The following ADAMTS9 variants were observed in gnomAD, a reference collection of about 807,000 sequenced individuals.
ADAMTS9 encodes A disintegrin and metalloproteinase with thrombospondin motifs 9.
A neutral mutation model predicts 257.1 loss-of-function variants in ADAMTS9; 107 were observed. That is an observed-to-expected ratio of 0.42 (90% CI 0.36 to 0.49). The LOEUF (loss-of-function observed/expected upper bound fraction) is 0.49, where lower values mean the gene tolerates loss of function less well. Among genes scored for constraint, ADAMTS9 ranks in the 20% least tolerant of loss-of-function variants. The pLI is 0.03. For synonymous variants in ADAMTS9, 982 were observed against 880.9 expected (o/e 1.11, Z -2.03); for missense variants, 2,353 against 2,469.1 (o/e 0.95, Z 1.00).
chr3:64,592,760 A>C (rs1264817625), intron 28 of ADAMTS9: 1 of 151,382 alleles, frequency 6.6e-6, no homozygotes, highest in Non-Finnish European at 1.5e-5. Flanking sequence ...GTTTCTTCCT[A>C]AGGGTTAAGA....
chr3:64,531,528 C>T (rs545138891), intron 38 of ADAMTS9, among the ~76,000 whole-genome samples: 29 of 151,822 alleles, frequency 1.9e-4, no homozygotes, highest in African/African-American at 6.5e-4. Flanking sequence ...AGTGCAGTCG[C>T]GCAATCATGG....
At chr3:64,559,267 C>A (rs889420720) in intron 30 of ADAMTS9, among the ~76,000 whole-genome samples, 2 of 152,126 alleles carry the variant, frequency 1.3e-5, no homozygotes, top group Non-Finnish European at 2.9e-5. Flanking sequence ...GCAGGCCTTG[C>A]ATGTATGGGA....
intron 28 of ADAMTS9, among the ~76,000 whole-genome samples, chr3:64,571,573 TTG>T (rs1415272015): frequency 1.3e-5 from 2 of 152,234 alleles, no homozygotes; most frequent in African/African-American, 4.8e-5. Flanking sequence ...TTCCAGGGTT[TTG>T]TTTTTGTTTT....
intron 37 of ADAMTS9, among the ~76,000 whole-genome samples, chr3:64,534,766 G>C (rs1313280620): frequency 4.4e-5 from 2 of 45,128 alleles, no homozygotes; most frequent in Non-Finnish European, 9.3e-5. Flanking sequence ...ATTTTTGTTT[G>C]TCACAACTGT....
At position 64,641,984 on chromosome 3, in the gene ADAMTS9, A is replaced by G. The variant is rs763657043; in HGVS notation, c.1720T>C (p.Tyr574His). ...TECEPGKHCK[Y>H]GFCVPKEMDV... Reference sequence around the variant, plus strand: ...ATTTCTTTGGGAACACAAAATCCATACTTGCAGTGCTGTATTTAATAAGGG... The same window carrying G: ...ATTTCTTTGGGAACACAAAATCCATGCTTGCAGTGCTGTATTTAATAAGGG... Residue 574 changes from tyrosine (Y) to histidine (H), a missense_variant, in exon 12 of 40, where the codon TAT becomes CAT. Physicochemically the swap from Tyr to His is moderately conservative, Grantham distance 83 (BLOSUM62 2). Transcript: ENST00000498707. 9.3e-6 allele frequency: 15 copies of G among 1,613,934 alleles called. No individual in the cohort carries two copies. Among genetic ancestry groups the G allele is most frequent in the East Asian group, 6.7e-5 (3 of 44,860 alleles).
intron 9 of ADAMTS9, 193 bp from the exon 10 acceptor site, chr3:64,649,971 C>T: frequency 1.6e-6 from 1 of 624,228 alleles, no homozygotes; most frequent in South Asian, 2.4e-5. Context: ...TTTGTAGAAC[C>T]ACATGCAATG....
chr3:64,533,127 A>C, intron 38 of ADAMTS9, 39 bp downstream of exon 38: 1 of 1,544,382 alleles, frequency 6.5e-7, no homozygotes, highest in Non-Finnish European at 8.9e-7. Context: ...GAAAGAAAGA[A>C]ATAAAAATTC....
intron 25 of ADAMTS9, among the ~76,000 whole-genome samples, chr3:64,603,056 A>G (rs758353356): frequency 1.3e-5 from 2 of 152,188 alleles, no homozygotes; most frequent in Non-Finnish European, 2.9e-5. Flanking sequence ...GAGATTATCT[A>G]CTATTTATTG....
chr3:64,566,483 T>TG (rs1269622497), intron 29 of ADAMTS9, among the ~76,000 whole-genome samples: 4 of 152,218 alleles, frequency 2.6e-5, no homozygotes, highest in African/African-American at 4.8e-5. Flanking sequence ...CAGTTTATTC[T>TG]GGGGAGGCAT....
At chr3:64,666,187 A>G (rs2106998019) in intron 3 of ADAMTS9, among the ~76,000 whole-genome samples, 1 of 152,334 alleles carries the variant, frequency 6.6e-6, no homozygotes, top group African/African-American at 2.4e-5. Context: ...ATACAATAAA[A>G]TGCACAGTAT....
At chr3:64,643,028 G>A (rs950797296) in intron 11 of ADAMTS9, among the ~76,000 whole-genome samples, 1 of 152,164 alleles carries the variant, frequency 6.6e-6, no homozygotes, top group Non-Finnish European at 1.5e-5. Flanking sequence ...AGTCTGCCTG[G>A]CCTCCTCCCT....
chr3:64,687,075 G>T lies in ADAMTS9; in HGVS notation c.116-107C>A. The T allele has an allele frequency of 7.5e-7, 1 of 1,337,202 alleles. No individual in the cohort carries two copies. The allele number at this position is 1,337,202 out of a possible 1,614,324, so 82.8% of individuals were successfully genotyped here. On this transcript the variant is annotated intron_variant, in intron 1 of 39. Transcript: ENST00000498707. This position sits in a 1 kb window ranked among gnomAD's most constrained non-coding sequence, Gnocchi z 4.4. ...TCTGACCTTATTTTCCAGCCCATTC[G>T]AGTCAATCCCTTCACCCTTAATCAG...
chr3:64,621,785 T>TAA (rs201458197), intron 18 of ADAMTS9, among the ~76,000 whole-genome samples: 2 of 120,820 alleles, frequency 1.7e-5, no homozygotes, highest in African/African-American at 6.9e-5. Flanking sequence ...AATAAAAAAA[T>TAA]AAAAAAATAA....
At position 64,686,927 on chromosome 3, in the gene ADAMTS9, G is replaced by C; in HGVS notation, c.157C>G (p.Pro53Ala). Residue 53 changes from proline to alanine, a missense_variant, in exon 2 of 40, where the codon CCC becomes GCC. Pro to Ala is a conservative substitution (Grantham distance 27, BLOSUM62 -1). Transcript: ENST00000498707. The surrounding 1 kb of genome is among the most constrained non-coding windows in gnomAD (Gnocchi z 4.6). ...ETLSEYEIVS[P>A]IRVNALGEPF... ...TCTCCGAGAGCGTTCACTCGGATGG[G>C]AGACACGATTTCGTATTCGCTCAGG... is the stretch of plus-strand genomic sequence containing the variant. The C allele has an allele frequency of 6.2e-7, 1 of 1,614,180 alleles. No individual in the cohort carries two copies. The highest frequency in any genetic ancestry group is 8.5e-7 in the Non-Finnish European group (1 of 1,180,036).
At chr3:64,599,475 TACCTGCTCAA>T (rs2084419846) in intron 26 of ADAMTS9, among the ~76,000 whole-genome samples, 1 of 152,232 alleles carries the variant, frequency 6.6e-6, no homozygotes, top group Non-Finnish European at 1.5e-5. Context: ...TGTTTTTTTC[TACCTGCTCAA>T]ATCAACATCC....
chr3:64,628,303 G>A (rs1256754926), intron 16 of ADAMTS9, among the ~76,000 whole-genome samples: 1 of 152,188 alleles, frequency 6.6e-6, no homozygotes, highest in Non-Finnish European at 1.5e-5. Flanking sequence ...CATTGATTAA[G>A]TTGACTTGAA....
intron 12 of ADAMTS9, among the ~76,000 whole-genome samples, chr3:64,641,094 A>G (rs1398154113): frequency 6.6e-6 from 1 of 152,216 alleles, no homozygotes; most frequent in African/African-American, 2.4e-5. Flanking sequence ...GTGGGAAAAA[A>G]AGAAAAAAAA....
At chr3:64,535,555 T>TTCTTTTCTTTTC (rs2106899012) in intron 37 of ADAMTS9, among the ~76,000 whole-genome samples, 3 of 120,960 alleles carry the variant, frequency 2.5e-5, no homozygotes, top group African/African-American at 1.1e-4. Flanking sequence ...TTCTTTTCTT[T>TTCTTTTCTTTTC]TTTTTTTTTT....
intron 30 of ADAMTS9, among the ~76,000 whole-genome samples, chr3:64,552,271 T>G (rs2083280162): frequency 6.6e-6 from 1 of 152,214 alleles, no homozygotes; most frequent in African/African-American, 2.4e-5. Context: ...CATTCTAGGA[T>G]AATCTCTATG....
Sources: allele counts gnomAD v4.1 joint callset (sites outside exome capture counted in the v4.1 genomes callset), GRCh38; gene constraint gnomAD v4.1.1; non-coding constraint Gnocchi (gnomAD v3.1); transcripts MANE v1.5; gene names NCBI Gene and HGNC (gene_info 2026-07-23, HGNC 2026-07-21).